Variants in GSK3B observed in about 807,000 individuals in gnomAD.
GSK3B encodes the protein glycogen synthase kinase 3 beta.
A neutral mutation model predicts 56.4 loss-of-function variants in GSK3B; 15 were observed. The observed-to-expected ratio is 0.27, with a 90% confidence interval of 0.18 to 0.41. The LOEUF (loss-of-function observed/expected upper bound fraction) is 0.41. Among genes scored for constraint, GSK3B ranks in the 10% least tolerant of loss-of-function variants. The pLI, the probability that GSK3B is intolerant of heterozygous loss-of-function variation, is 1.00. For missense variants in GSK3B, 300 were observed against 513.4 expected (o/e 0.58, Z 4.02); for synonymous variants, 181 against 188.9 (o/e 0.96, Z 0.34).
At chr3:120,022,355 G>A (rs925063861) in intron 1 of GSK3B, among the ~76,000 whole-genome samples, 35 of 152,202 alleles carry the variant, frequency 2.3e-4, no homozygotes, top group African/African-American at 8.0e-4. Flanking sequence ...ACTTTTATAT[G>A]CACTAAGAAA....
intron 3 of GSK3B, among the ~76,000 whole-genome samples, chr3:119,928,086 G>A (rs910426306): frequency 6.6e-6 from 1 of 152,148 alleles, no homozygotes; most frequent in African/African-American, 2.4e-5. Flanking sequence ...GCTTTATTGG[G>A]TTCACAAGTG....
At position 119,923,472 on chromosome 3, in the gene GSK3B, G is replaced by A; in HGVS notation, c.378C>T (p.Val126=). ...CATAGTCCAGCACCAGATTAAGATA[G>A]ACCTCATCTTTCTGAAAGAGTTTAT... ...FYSSGEKKDE[V]YLNLVLDYVP... is the part of the protein sequence containing the mutation. Residue 126 remains valine (V), a synonymous_variant, in exon 4 of 11, where the codon GTC becomes GTT. Transcript: ENST00000264235. The A allele has an allele frequency of 6.5e-7, 1 of 1,545,860 alleles. No individual in the cohort carries two copies. Among genetic ancestry groups the A allele is most frequent in the Non-Finnish European group, 8.9e-7 (1 of 1,128,416 alleles).
intron 7 of GSK3B, among the ~76,000 whole-genome samples, chr3:119,880,716 T>C (rs1400632854): frequency 6.6e-6 from 1 of 152,176 alleles, no homozygotes; most frequent in East Asian, 1.9e-4. Flanking sequence ...GTAAAAATAA[T>C]CTAAATTATT....
chr3:119,959,758 C>T (rs2057252694), intron 2 of GSK3B, among the ~76,000 whole-genome samples: 1 of 151,840 alleles, frequency 6.6e-6, no homozygotes, highest in Non-Finnish European at 1.5e-5. Context: ...CTCAAATGAT[C>T]CTCCAACCTC....
intron 3 of GSK3B, among the ~76,000 whole-genome samples, chr3:119,930,116 CACACACACGT>C (rs952282194): frequency 2.1e-4 from 32 of 150,788 alleles, no homozygotes; most frequent in Non-Finnish European, 2.5e-4. Flanking sequence ...CACACACACA[CACACACACGT>C]GCGCATGCAC....
intron 3 of GSK3B, among the ~76,000 whole-genome samples, chr3:119,930,959 A>C (rs1416961975): frequency 6.6e-6 from 1 of 152,254 alleles, no homozygotes; most frequent in Non-Finnish European, 1.5e-5. Context: ...GAACAATCTA[A>C]TTTACTACAC....
intron 1 of GSK3B, among the ~76,000 whole-genome samples, chr3:120,061,123 C>G (rs113030632): frequency 7.9e-5 from 12 of 152,126 alleles, no homozygotes; most frequent in Non-Finnish European, 1.6e-4. Flanking sequence ...GCTGACCAAG[C>G]GTTGCTTAGA....
chr3:120,093,450 G>GA lies in GSK3B; in HGVS notation c.-17dup, dbSNP rs2058531857. ...GCCCTGACATGATCACTCTCTTCGC[G>GA]AATCACCTTTTCCTTCCTTCCTCCT... is the stretch of plus-strand genomic sequence containing the variant. On this transcript the variant is annotated 5_prime_UTR_variant, in exon 1 of 11. Coordinates refer to ENST00000264235, the MANE Select transcript of GSK3B (RefSeq NM_001146156.2). 1.9e-6 allele frequency: 3 copies of GA among 1,564,134 alleles called. No individual in the cohort carries two copies. The highest frequency in any genetic ancestry group is 1.1e-5 in the South Asian group (1 of 90,040).
At chr3:120,083,962 A>G (rs1390589450) in intron 1 of GSK3B, among the ~76,000 whole-genome samples, 2 of 152,240 alleles carry the variant, frequency 1.3e-5, no homozygotes, top group African/African-American at 4.8e-5. Context: ...GTGGTTGCCT[A>G]GAGCTGTGGG....
chr3:119,947,168 A>T (rs1363186626), intron 3 of GSK3B, 100 bp downstream of exon 3: 2 of 746,112 alleles, frequency 2.7e-6, no homozygotes, highest in African/African-American at 3.5e-5. Context: ...GAATTTTTCC[A>T]TTCCATTAGC....
At chr3:119,863,267 G>T in intron 9 of GSK3B, 152 bp downstream of exon 9, 1 of 645,340 alleles carries the variant, frequency 1.5e-6, no homozygotes, top group Admixed American at 2.7e-5. Context: ...GTAAGTAGTG[G>T]CCAGTAAGTT....
At chr3:119,860,288 T>C (rs113587518) in intron 9 of GSK3B, among the ~76,000 whole-genome samples, 4 of 152,316 alleles carry the variant, frequency 2.6e-5, no homozygotes, top group African/African-American at 7.2e-5. Flanking sequence ...ATGGCTGAAT[T>C]TGAAATTCTA....
At chr3:119,935,441 T>A (rs2056984508) in intron 3 of GSK3B, among the ~76,000 whole-genome samples, 1 of 152,130 alleles carries the variant, frequency 6.6e-6, no homozygotes, top group South Asian at 2.1e-4. Context: ...ACAAAATTAT[T>A]TTTATACTAG....
chr3:119,928,612 TA>T (rs1160252679), intron 3 of GSK3B, among the ~76,000 whole-genome samples: 1,806 of 67,068 alleles, frequency 0.027, 17 homozygotes, highest in East Asian at 0.12. Flanking sequence ...ATCAAAAAAA[TA>T]AAAAAAAAAA....
At chr3:119,988,413 T>C (rs1199092591) in intron 2 of GSK3B, among the ~76,000 whole-genome samples, 1 of 152,238 alleles carries the variant, frequency 6.6e-6, no homozygotes, top group Non-Finnish European at 1.5e-5. Flanking sequence ...GTGAGTATTC[T>C]TAAGTTACAG....
At chr3:119,906,238 G>T (rs1435233062) in intron 6 of GSK3B, among the ~76,000 whole-genome samples, 1 of 152,082 alleles carries the variant, frequency 6.6e-6, no homozygotes, top group African/African-American at 2.4e-5. Flanking sequence ...CAGAGGAGCA[G>T]CAAGGAAAGG....
intron 8 of GSK3B, among the ~76,000 whole-genome samples, chr3:119,865,176 T>A (rs1204197566): frequency 6.6e-6 from 1 of 151,974 alleles, no homozygotes; most frequent in Non-Finnish European, 1.5e-5. Flanking sequence ...AGTATTGGCA[T>A]ATTTTATCCC....
At position 119,825,189 on chromosome 3, in the gene GSK3B, C is replaced by T. The variant is rs1366617832; in HGVS notation, c.*1599G>A. 4.5e-6 allele frequency: 1 copy of T among 222,874 alleles called. No homozygotes were observed. Among genetic ancestry groups the T allele is most frequent in the African/African-American group, 2.2e-5 (1 of 44,710 alleles). 13.8% of individuals were successfully genotyped at this position (222,874 alleles called of 1,614,324 possible). On this transcript the variant is annotated 3_prime_UTR_variant, in exon 11 of 11. Coordinates refer to ENST00000264235, the MANE Select transcript of GSK3B (RefSeq NM_001146156.2). ...AAAGATTCATAGGTCAAGTAATGGC[C>T]CATAAGCACCAAGGTGACTAAAGTT...
chr3:119,909,146 G>A (rs555709732), intron 6 of GSK3B, among the ~76,000 whole-genome samples: 25 of 152,222 alleles, frequency 1.6e-4, no homozygotes, highest in Non-Finnish European at 3.2e-4. Context: ...ATCCTCCCAA[G>A]TAGCGGGGAC....
Sources: gnomAD v4.1 joint callset for allele counts (sites outside exome capture counted in the v4.1 genomes callset) on GRCh38, gnomAD v4.1.1 for gene constraint, MANE v1.5 for transcripts, NCBI Gene and HGNC (gene_info 2026-07-23, HGNC 2026-07-21) for gene names.